Variants in MASP1 observed in about 807,000 individuals in gnomAD.
The protein encoded by MASP1 is MBL associated serine protease 1.
A neutral mutation model predicts 77.1 loss-of-function variants in MASP1; 59 were observed. The observed-to-expected ratio is 0.77, with a 90% confidence interval of 0.62 to 0.95. MASP1 has a LOEUF of 0.95. Among genes scored for constraint, MASP1 ranks in the 40% least tolerant of loss-of-function variants. MASP1 has a pLI of 0.00. For synonymous variants in MASP1, 362 were observed against 354.5 expected (o/e 1.02, Z -0.24); for missense variants, 885 against 912.9 (o/e 0.97, Z 0.39).
downstream of MASP1, among the ~76,000 whole-genome samples, chr3:187,230,274 G>T (rs1712688161): frequency 6.6e-6 from 1 of 152,206 alleles, no homozygotes. Flanking sequence ...TACTGGAATT[G>T]CCAAGCTATT....
rs1713183486 is a variant in MASP1, at chr3:187,236,384, G to A, written c.1487C>T (p.Ala496Val). ...TCTACGCTGGGAGCGCAGCACATGA[G>A]CTGCTGTGAGGATCCAGGACGCAGA... ...LLSASWILTAAHVLRSQRRDT... is the reference protein window; with the variant it reads ...LLSASWILTAVHVLRSQRRDT... The change falls in exon 11 of 11, where the codon GCT becomes GTT. Residue 496 changes from alanine (A) to valine (V), a missense_variant. Ala to Val is a moderately conservative substitution (Grantham distance 64). Transcript: ENST00000296280. 6.2e-7 allele frequency: 1 copy of A among 1,614,232 alleles called. No individual in the cohort carries two copies.
chr3:187,260,675 C>T, intron 4 of MASP1, 66 bp downstream of exon 4: 1 of 1,605,922 alleles, frequency 6.2e-7, no homozygotes, highest in Non-Finnish European at 8.5e-7. Context: ...TTTCTCTGAG[C>T]CTCATCTAAT....
At chr3:187,243,372 T>A in intron 9 of MASP1, 112 bp downstream of exon 9, 1 of 1,092,162 alleles carries the variant, frequency 9.2e-7, no homozygotes, top group Non-Finnish European at 1.4e-6. Context: ...ATTATCAGGC[T>A]CTACACACTT....
Position 187,283,341 on chromosome 3 carries a change from C to A in MASP1, c.237+2484G>T, listed in dbSNP as rs183118568. On this transcript the variant is annotated intron_variant, in intron 2 of 10. Coordinates refer to ENST00000296280, the MANE Select transcript of MASP1 (RefSeq NM_139125.4). ...AAGTATCATCATTTTTTCCCATTAA[C>A]AAAATGCTGCTTTATGTCAGCTGCT... is the stretch of plus-strand genomic sequence containing the variant. Among the ~76,000 whole-genome samples, 6 of 152,300 alleles carry A rather than the reference C, an allele frequency of 3.9e-5. No homozygotes were observed. The East Asian group carries it at 9.6e-4, about 24-fold the overall frequency.
At chr3:187,238,161 C>T (rs1344753393) in intron 10 of MASP1, among the ~76,000 whole-genome samples, 2 of 152,208 alleles carry the variant, frequency 1.3e-5, no homozygotes, top group Non-Finnish European at 2.9e-5. Flanking sequence ...TGGCTTGGTC[C>T]ATGGTCACAA....
At chr3:187,243,747 A>G in intron 8 of MASP1, 126 bp from the exon 9 acceptor site, 9 of 1,231,160 alleles carry the variant, frequency 7.3e-6, no homozygotes, top group Non-Finnish European at 9.5e-6. Flanking sequence ...CAATGTTATA[A>G]TGCCTCTGAA....
intron 11 of MASP1, among the ~76,000 whole-genome samples, chr3:187,228,143 A>T (rs1177779677): frequency 6.6e-6 from 1 of 152,104 alleles, no homozygotes; most frequent in African/African-American, 2.4e-5. Flanking sequence ...GGTGGACATT[A>T]GTGGACTCAA....
chr3:187,284,859 G>A (rs1219831725), intron 2 of MASP1, among the ~76,000 whole-genome samples: 1 of 152,136 alleles, frequency 6.6e-6, no homozygotes, highest in Non-Finnish European at 1.5e-5. Flanking sequence ...AATTGTAAAA[G>A]CACCTTGTAA....
rs548542327 is a variant in MASP1, at chr3:187,241,068, C to T, written c.1303+413G>A. Among the ~76,000 whole-genome samples the T allele has an allele frequency of 1.6e-3, 243 of 152,282 alleles. 1 individual carries two copies. The highest frequency in any genetic ancestry group is 5.2e-3 in the African/African-American group (214 of 41,546). ...CATGGGAATCGGAAAGGCTTGACTA[C>T]GTTGCTGTTTGGAAGAAAGAATTTG... is the stretch of plus-strand genomic sequence containing the variant. On this transcript the variant is annotated intron_variant, in intron 10 of 10. Transcript: ENST00000296280.
At position 187,236,183 on chromosome 3, in the gene MASP1, A is replaced by G. The variant is rs1218016394; in HGVS notation, c.1688T>C (p.Val563Ala). The G allele has an allele frequency of 6.2e-7, 1 of 1,614,116 alleles. No homozygotes were observed. Among genetic ancestry groups the G allele is most frequent in the South Asian group, 1.1e-5 (1 of 91,070 alleles). ...DIALVQLQEP[V>A]PLGPHVMPVC... The stretch of plus-strand genomic sequence containing the variant: ...AGGCATAACGTGGGGTCCCAGGGGC[A>G]CAGGCTCCTGCAGCTGCACCAGAGC... The change falls in exon 11 of 11, where the codon GTG becomes GCG. Residue 563 changes from valine to alanine, a missense_variant. Val to Ala is a moderately conservative substitution (Grantham distance 64, BLOSUM62 0). Transcript: ENST00000296280.
chr3:187,259,930 G>A (rs1158986218), intron 4 of MASP1, among the ~76,000 whole-genome samples: 2 of 152,174 alleles, frequency 1.3e-5, no homozygotes, highest in African/African-American at 4.8e-5. Flanking sequence ...ACTTCTGACT[G>A]TTTGCAGAAG....
intron 9 of MASP1, chr3:187,242,020 C>T (rs1257235721): frequency 5.5e-6 from 1 of 181,494 alleles, no homozygotes; most frequent in South Asian, 1.3e-4. Context: ...CTCCCCACCC[C>T]ACGCTGCCCA....
intron 2 of MASP1, among the ~76,000 whole-genome samples, chr3:187,283,509 A>G (rs1717600237): frequency 6.6e-6 from 1 of 152,214 alleles, no homozygotes; most frequent in Non-Finnish European, 1.5e-5. Context: ...CTTAAGAGAA[A>G]GAGTTTCTCA....
chr3:187,234,755 G>A lies in MASP1; in HGVS notation c.*929C>T. 1 of 1,287,272 alleles carries A rather than the reference G, an allele frequency of 7.8e-7. No individual in the cohort carries two copies. The highest frequency in any genetic ancestry group is 1.0e-6 in the Non-Finnish European group (1 of 988,704). 79.7% of individuals were successfully genotyped at this position (1,287,272 alleles called of 1,614,324 possible). A position where few individuals can be genotyped will look rare whatever the true frequency, so the allele number is the denominator to read the frequency against. ...GCCCAAAAGCACAGCAGGACACAGT[G>A]TGGGTCTTTTCTTTTTCCAGGTAAT... On this transcript the variant is annotated 3_prime_UTR_variant, in exon 11 of 11. Coordinates refer to ENST00000296280, the MANE Select transcript of MASP1 (RefSeq NM_139125.4).
At chr3:187,251,967 A>G (rs1714646216) in intron 6 of MASP1, among the ~76,000 whole-genome samples, 1 of 152,222 alleles carries the variant, frequency 6.6e-6, no homozygotes, top group Non-Finnish European at 1.5e-5. Flanking sequence ...GTAGAATGAA[A>G]TGGTTGACCA....
chr3:187,266,900 A>G lies in MASP1; in HGVS notation c.238-4180T>C, dbSNP rs571237216. Among the ~76,000 whole-genome samples, 9 of 152,314 alleles carry G rather than the reference A, an allele frequency of 5.9e-5. No homozygotes were observed. The South Asian group carries it at 1.9e-3, about 32-fold the overall frequency. ...TGGGAAGACAGCTACTCTATGGAAG[A>G]ACAGCTACTCTAGGGAAGGACAGCT... On this transcript the variant is annotated intron_variant, in intron 2 of 10. Transcript: ENST00000296280.
intron 11 of MASP1, chr3:187,226,640 C>T (rs576417016): frequency 1.4e-6 from 1 of 716,788 alleles, no homozygotes; most frequent in African/African-American, 1.7e-5. Flanking sequence ...AATGGCCATG[C>T]TTCTCTCCAT....
In MASP1 at chr3:187,226,409, A is replaced by G. The variant is rs559086533; in HGVS notation, c.1553T>C (p.Leu518Pro). Reference sequence around the variant, plus strand: ...CAGCTTGCCCCTCACTCACTCACCCAGGATGATTTTGAAGTCAGAAGGGCT... The same window carrying G: ...CAGCTTGCCCCTCACTCACTCACCCGGGATGATTTTGAAGTCAGAAGGGCT... Residue 518 changes from leucine to proline, a missense_variant and splice_region_variant, in exon 12 of 16, where the codon CTG becomes CCG. Transcript: ENST00000337774. The G allele has an allele frequency of 3.1e-6, 5 of 1,605,584 alleles. No homozygotes were observed. In the South Asian group the frequency reaches 4.5e-5, roughly 14 times the overall value.
intron 7 of MASP1, 190 bp downstream of exon 7, chr3:187,251,444 C>A: frequency 5.2e-6 from 3 of 575,638 alleles, no homozygotes; most frequent in South Asian, 2.0e-5. Context: ...TTTTGTGCCA[C>A]TTTCAGAGTG....
Sources: gnomAD v4.1 joint callset for allele counts (sites outside exome capture counted in the v4.1 genomes callset) on GRCh38, gnomAD v4.1.1 for gene constraint, MANE v1.5 for transcripts, NCBI Gene and HGNC (gene_info 2026-07-23, HGNC 2026-07-21) for gene names.